SS18L1: variants seen among roughly 807,000 people sequenced by gnomAD.
The protein encoded by SS18L1 is calcium-responsive transactivator.
SS18L1 carries 32 observed loss-of-function variants against 70.3 expected under a neutral mutation model. The ratio of observed to expected loss-of-function variants is 0.46; its 90% CI spans 0.34 to 0.61. SS18L1 has a LOEUF of 0.61. SS18L1 is among the 20% of genes least tolerant of loss of function. The probability of loss-of-function intolerance (pLI) is 0.01; values close to 1 mark genes in which losing one functional copy is unlikely to be tolerated. For missense variants in SS18L1, 430 were observed against 542.1 expected (o/e 0.79, Z 2.05); for synonymous variants, 237 against 229.7 (o/e 1.03, Z -0.29).
At chr20:62,164,811 T>C (rs909513053) in intron 7 of SS18L1, among the ~76,000 whole-genome samples, 7 of 152,182 alleles carry the variant, frequency 4.6e-5, no homozygotes, top group Non-Finnish European at 8.8e-5. Context: ...GGAGGATCGC[T>C]TCAGCCCAGG....
At chr20:62,144,631 C>T (rs1285791227) in intron 1 of SS18L1, among the ~76,000 whole-genome samples, 2 of 152,258 alleles carry the variant, frequency 1.3e-5, no homozygotes, top group South Asian at 2.1e-4. Flanking sequence ...CACAACCTTT[C>T]TTCTAGCTCC....
At chr20:62,149,026 G>C (rs969913530) in intron 1 of SS18L1, among the ~76,000 whole-genome samples, 3 of 152,220 alleles carry the variant, frequency 2.0e-5, no homozygotes, top group Admixed American at 1.3e-4. Flanking sequence ...TGCTCTCCTC[G>C]AGGCTCCGGC....
chr20:62,174,800 C>A lies in SS18L1; in HGVS notation c.1164+156C>A, dbSNP rs2057592516. On this transcript the variant is annotated intron_variant, in intron 10 of 10. Transcript: ENST00000331758. This position sits in a 1 kb window ranked among gnomAD's most constrained non-coding sequence, Gnocchi z 4.1. ...AAGTCTCTGAGCCTGTAAGGTTTTG[C>A]AGAATTGCCTCTGTGTATACGCTCA... 6 of 1,535,264 alleles carry A rather than the reference C, an allele frequency of 3.9e-6. No homozygotes were observed. In the Admixed American group the frequency reaches 9.8e-5, roughly 25 times the overall value.
chr20:62,150,633 A>ATTTTT lies in SS18L1; in HGVS notation c.69+6777_69+6781dup, dbSNP rs34708339. Reference sequence around the variant, plus strand: ...CGGAGCATAAGAAACATTGAGGTGGATTTTTTTTTTTTTTTTTTTTTTTTT... The same window carrying ATTTTT: ...CGGAGCATAAGAAACATTGAGGTGGATTTTTTTTTTTTTTTTTTTTTTTTTTTTTT... On this transcript the variant is annotated intron_variant, in intron 1 of 10. Transcript: ENST00000331758. Among the ~76,000 whole-genome samples the ATTTTT allele has an allele frequency of 1.9e-3, 111 of 58,050 alleles. 40 individuals are homozygous for ATTTTT. The highest frequency in any genetic ancestry group is 2.8e-3 in the Non-Finnish European group (78 of 28,248). The allele number at this position is 58,050 out of a possible 152,430, so 38.1% of individuals were successfully genotyped here. A position where few individuals can be genotyped will look rare whatever the true frequency, so the allele number is the denominator to read the frequency against.
intron 1 of SS18L1, among the ~76,000 whole-genome samples, chr20:62,156,341 G>A (rs1262756765): frequency 2.0e-5 from 3 of 152,126 alleles, no homozygotes; most frequent in African/African-American, 4.8e-5. Flanking sequence ...GAATGCTGGC[G>A]CCTGGCAGGT....
chr20:62,160,924 C>T (rs1601017754), intron 3 of SS18L1, among the ~76,000 whole-genome samples: 2 of 152,096 alleles, frequency 1.3e-5, no homozygotes, highest in East Asian at 3.9e-4. Flanking sequence ...AGGGCCACTT[C>T]ACACTCACTC....
At chr20:62,152,941 A>G (rs1182156025) in intron 1 of SS18L1, among the ~76,000 whole-genome samples, 1 of 152,204 alleles carries the variant, frequency 6.6e-6, no homozygotes, top group Non-Finnish European at 1.5e-5. Context: ...CGTGCACATC[A>G]GGAGTCAAGA....
At chr20:62,160,315 G>A (rs1373075448) in intron 3 of SS18L1, among the ~76,000 whole-genome samples, 1 of 90,580 alleles carries the variant, frequency 1.1e-5, no homozygotes, top group Non-Finnish European at 2.1e-5. Context: ...GGTGGGGTGG[G>A]GAGAGGTGGA....
At chr20:62,172,119 T>A (rs1300335145) in intron 8 of SS18L1, among the ~76,000 whole-genome samples, 1 of 149,300 alleles carries the variant, frequency 6.7e-6, no homozygotes, top group Non-Finnish European at 1.5e-5. Context: ...AGCTGAGATC[T>A]CGCCACTGCA....
intron 1 of SS18L1, among the ~76,000 whole-genome samples, chr20:62,152,001 T>G (rs2145705372): frequency 6.2e-5 from 9 of 145,294 alleles, no homozygotes; most frequent in East Asian, 4.3e-4. Flanking sequence ...GCCTCCCCCG[T>G]TCCCCTCTTT....
rs536894727 is a variant in SS18L1 at position 62,175,296 on chromosome 20, G to A, written c.1164+652G>A. 87 of 985,380 alleles carry A rather than the reference G, an allele frequency of 8.8e-5. 1 individual carries two copies. The East Asian group carries it at 1.6e-3, about 18-fold the overall frequency. The allele number at this position is 985,380 out of a possible 1,614,324, so 61.0% of individuals were successfully genotyped here. The stretch of plus-strand genomic sequence containing the variant: ...GGGACAGTGAGGAGGCCGGTGTGGC[G>A]GGAGGTGACAGGGACAGGTGGGCGT... On this transcript the variant is annotated intron_variant, in intron 10 of 10. Coordinates refer to ENST00000331758, the MANE Select transcript of SS18L1 (RefSeq NM_198935.3).
Position 62,161,761 on chromosome 20 carries a change from G to A in SS18L1, c.376+181G>A, listed in dbSNP as rs566825543. ...GGCTCAGGGCCGCAGCGAGCGTGCC[G>A]TGCGGCTGGGCTGAGCCCCTGCTCC... On this transcript the variant is annotated intron_variant, in intron 4 of 10. Transcript: ENST00000331758. The surrounding 1 kb of genome is among the most constrained non-coding windows in gnomAD (Gnocchi z 4.4). Among the ~76,000 whole-genome samples the A allele has an allele frequency of 2.0e-5, 3 of 152,258 alleles. No homozygotes were observed. The highest frequency in any genetic ancestry group is 3.8e-4 in the East Asian group (2 of 5,206).
In SS18L1 at chr20:62,174,675, C is replaced by A; in HGVS notation, c.1164+31C>A. ...CTTTCTGGATGTTTCCAGATGTGCC[C>A]ATCCGCCGCGCCTGTCGAGACATAA... On this transcript the variant is annotated intron_variant, in intron 10 of 10. Transcript: ENST00000331758. The surrounding 1 kb of genome is among the most constrained non-coding windows in gnomAD (Gnocchi z 4.1). 6.2e-7 allele frequency: 1 copy of A among 1,613,138 alleles called. No homozygotes were observed. Among genetic ancestry groups the A allele is most frequent in the South Asian group, 1.1e-5 (1 of 91,018 alleles).
chr20:62,175,600 A>G (rs2057607015), intron 10 of SS18L1, among the ~76,000 whole-genome samples: 1 of 152,168 alleles, frequency 6.6e-6, no homozygotes, highest in Admixed American at 6.5e-5. Flanking sequence ...CTTAGCAGGA[A>G]GTGGCTCTGT....
chr20:62,153,109 C>A (rs182175225), intron 1 of SS18L1, among the ~76,000 whole-genome samples: 1 of 152,260 alleles, frequency 6.6e-6, no homozygotes, highest in East Asian at 1.9e-4. Flanking sequence ...GGAAGCAAGG[C>A]ACCTTCTTCA....
intron 1 of SS18L1, among the ~76,000 whole-genome samples, chr20:62,144,225 C>G (rs2056978904): frequency 6.6e-6 from 1 of 151,648 alleles, no homozygotes; most frequent in Non-Finnish European, 1.5e-5. Context: ...GCGGCGCGCG[C>G]TGGGAACTGT....
chr20:62,179,253 C>T lies in SS18L1; in HGVS notation c.*45C>T. On this transcript the variant is annotated 3_prime_UTR_variant, in exon 11 of 11. Coordinates refer to ENST00000331758, the MANE Select transcript of SS18L1 (RefSeq NM_198935.3). The stretch of plus-strand genomic sequence containing the variant: ...GAGCCCTTGTGGTAGCGTGTTCATC[C>T]AGGGGCCGGATGGGCTGGCGGCAGC... 1 of 1,612,726 alleles carries T rather than the reference C, an allele frequency of 6.2e-7. No individual in the cohort carries two copies. Among genetic ancestry groups the T allele is most frequent in the Non-Finnish European group, 8.5e-7 (1 of 1,178,784 alleles).
chr20:62,157,431 A>G (rs1239150528), intron 1 of SS18L1, among the ~76,000 whole-genome samples: 6 of 152,218 alleles, frequency 3.9e-5, no homozygotes, highest in Non-Finnish European at 7.4e-5. Context: ...GTGGGTCACC[A>G]GGTCAGAGAC....
chr20:62,163,443 T>C lies in SS18L1; in HGVS notation c.557-15T>C, dbSNP rs368226764. ...GCTTCCCGGGGTGATGTGGGGCCTCTGTCCTGTCGTTCAGTCTCCATGATG... is the reference window on the plus strand; with the variant it reads ...GCTTCCCGGGGTGATGTGGGGCCTCCGTCCTGTCGTTCAGTCTCCATGATG... On this transcript the variant is annotated splice_polypyrimidine_tract_variant and intron_variant, in intron 5 of 10. Transcript: ENST00000331758. The C allele has an allele frequency of 6.2e-6, 10 of 1,611,610 alleles. No homozygotes were observed. The highest frequency in any genetic ancestry group is 8.5e-6 in the Non-Finnish European group (10 of 1,179,794).
Sources: gnomAD v4.1 joint callset for allele counts (sites outside exome capture counted in the v4.1 genomes callset) on GRCh38, gnomAD v4.1.1 for gene constraint, Gnocchi (gnomAD v3.1) non-coding constraint, MANE v1.5 for transcripts, NCBI Gene and HGNC (gene_info 2026-07-23, HGNC 2026-07-21) for gene names.